Variants in HEMK2 observed in about 807,000 individuals in gnomAD.
HEMK2 encodes HemK methyltransferase 2, ETF1 glutamine and histone H4 lysine, also known as methyltransferase HEMK2.
At chr21:28,599,597 C>T in the HEMK2 span, among the ~76,000 whole-genome samples, 1 of 152,110 alleles carries the variant, frequency 6.6e-6, no homozygotes, top group African/African-American at 2.4e-5. Flanking sequence ...CTGCCCATAG[C>T]CCCTCCCAAA....
At chr21:28,769,343 C>T in the HEMK2 span, among the ~76,000 whole-genome samples, 2 of 152,078 alleles carry the variant, frequency 1.3e-5, no homozygotes, top group Non-Finnish European at 2.9e-5. Flanking sequence ...TGGAATTTAC[C>T]TCTCAGCTCA....
At chr21:28,833,858 T>C in the HEMK2 span, among the ~76,000 whole-genome samples, 1 of 152,196 alleles carries the variant, frequency 6.6e-6, no homozygotes, top group Non-Finnish European at 1.5e-5. Context: ...TATCTACCTG[T>C]GCAGAAAAGA....
chr21:28,827,101 T>C, the HEMK2 span, among the ~76,000 whole-genome samples: 1 of 152,232 alleles, frequency 6.6e-6, no homozygotes, highest in Non-Finnish European at 1.5e-5. Flanking sequence ...ATAGTTATGA[T>C]GTGCCATCTC....
chr21:28,802,759 T>C, the HEMK2 span, among the ~76,000 whole-genome samples: 9 of 152,198 alleles, frequency 5.9e-5, no homozygotes, highest in Non-Finnish European at 1.2e-4. Flanking sequence ...AAAAAAGAAA[T>C]GAAAAATATA....
chr21:28,757,059 T>G, the HEMK2 span, among the ~76,000 whole-genome samples: 2 of 152,258 alleles, frequency 1.3e-5, no homozygotes, highest in Non-Finnish European at 2.9e-5. Context: ...ACTGCTATTC[T>G]TGCATTAATT....
chr21:28,707,786 G>C, the HEMK2 span, among the ~76,000 whole-genome samples: 1 of 151,952 alleles, frequency 6.6e-6, no homozygotes, highest in African/African-American at 2.4e-5. Context: ...AATTGGGTGG[G>C]AGTGGATTTA....
chr21:28,640,440 T>G, the HEMK2 span, among the ~76,000 whole-genome samples: 1 of 152,198 alleles, frequency 6.6e-6, no homozygotes, highest in Non-Finnish European at 1.5e-5. Flanking sequence ...GCAAGGAAGC[T>G]GTTTACGTAA....
the HEMK2 span, among the ~76,000 whole-genome samples, chr21:28,679,456 C>T: frequency 3.3e-5 from 5 of 152,270 alleles, no homozygotes; most frequent in South Asian, 2.1e-4. Context: ...TAATGGTAGA[C>T]TTTAACACCC....
At chr21:28,616,931 C>A in the HEMK2 span, among the ~76,000 whole-genome samples, 1 of 152,184 alleles carries the variant, frequency 6.6e-6, no homozygotes, top group African/African-American at 2.4e-5. Context: ...AGGTACCAAG[C>A]ACTTTTTAAG....
At chr21:28,595,017 A>G in the HEMK2 span, among the ~76,000 whole-genome samples, 5 of 152,322 alleles carry the variant, frequency 3.3e-5, no homozygotes, top group Admixed American at 6.5e-5. Context: ...AAGCTATAGC[A>G]GTTATTATTT....
chr21:28,748,986 G>A, the HEMK2 span, among the ~76,000 whole-genome samples: 1 of 152,128 alleles, frequency 6.6e-6, no homozygotes, highest in Non-Finnish European at 1.5e-5. Flanking sequence ...TAAGATCTGG[G>A]TTTAACATAT....
chr21:28,877,212 A>AGAAGGGAAG, the HEMK2 span, among the ~76,000 whole-genome samples: 1 of 128,280 alleles, frequency 7.8e-6, no homozygotes, highest in African/African-American at 2.9e-5. Flanking sequence ...GGGAAGGGAG[A>AGAAGGGAAG]GAAAGGAAGG....
chr21:28,739,663 T>C, the HEMK2 span, among the ~76,000 whole-genome samples: 1 of 152,260 alleles, frequency 6.6e-6, no homozygotes, highest in African/African-American at 2.4e-5. Context: ...GTTCTCTATC[T>C]GTACTGTCCC....
chr21:28,866,482 C>T, the HEMK2 span, among the ~76,000 whole-genome samples: 6 of 151,500 alleles, frequency 4.0e-5, no homozygotes, highest in East Asian at 3.9e-4. Context: ...TTCTTCTCTA[C>T]AGTCTAATAA....
At chr21:28,819,562 T>TC in the HEMK2 span, among the ~76,000 whole-genome samples, 4 of 149,264 alleles carry the variant, frequency 2.7e-5, no homozygotes, top group African/African-American at 9.9e-5. Context: ...TTTTTTTTTT[T>TC]TCAGACAGAG....
the HEMK2 span, among the ~76,000 whole-genome samples, chr21:28,678,469 T>C: frequency 6.6e-6 from 1 of 152,200 alleles, no homozygotes. Context: ...GAAAACACTC[T>C]GCAGGATATT....
chr21:28,851,904 G>C, the HEMK2 span, among the ~76,000 whole-genome samples: 2 of 152,194 alleles, frequency 1.3e-5, no homozygotes, highest in African/African-American at 2.4e-5. Context: ...TGGAGAAAAA[G>C]TTATTTGCCA....
the HEMK2 span, among the ~76,000 whole-genome samples, chr21:28,759,689 C>T: frequency 6.6e-6 from 1 of 152,026 alleles, no homozygotes; most frequent in African/African-American, 2.4e-5. Context: ...GGCAGTTTCC[C>T]CCACACTGTT....
At chr21:28,638,544 T>G in the HEMK2 span, among the ~76,000 whole-genome samples, 1 of 152,284 alleles carries the variant, frequency 6.6e-6, no homozygotes, top group East Asian at 1.9e-4. Context: ...GATTTTGTTT[T>G]TAGTGGCGTA....
Sources: gnomAD v4.1 joint callset for allele counts (sites outside exome capture counted in the v4.1 genomes callset) on GRCh38, gnomAD v4.1.1 for gene constraint, MANE v1.5 for transcripts, NCBI Gene and HGNC (gene_info 2026-07-23, HGNC 2026-07-21) for gene names.